Variants in PTPRQ observed in about 807,000 individuals in gnomAD.
PTPRQ encodes protein tyrosine phosphatase receptor type Q, also known as phosphatidylinositol phosphatase PTPRQ.
Under a neutral mutation model 246.0 loss-of-function variants are expected in PTPRQ, and 199 were observed. That is an observed-to-expected ratio of 0.81 (90% CI 0.72 to 0.91). PTPRQ has a LOEUF of 0.91. Ranked by LOEUF, PTPRQ falls within the 40% of genes least tolerant of loss-of-function variation. The pLI, the probability that PTPRQ is intolerant of heterozygous loss-of-function variation, is 0.00. For missense variants in PTPRQ, 2,624 were observed against 2,528.4 expected (o/e 1.04, Z -0.81); for synonymous variants, 869 against 853.2 (o/e 1.02, Z -0.32).
chr12:80,447,615 T>C (rs1892592667), intron 3 of PTPRQ, among the ~76,000 whole-genome samples: 2 of 151,796 alleles, frequency 1.3e-5, no homozygotes, highest in African/African-American at 4.9e-5. Context: ...TTCTCTTGGA[T>C]ATGGCCAGCC....
At chr12:80,631,060 C>A (rs1302762172) in intron 33 of PTPRQ, among the ~76,000 whole-genome samples, 1 of 152,068 alleles carries the variant, frequency 6.6e-6, no homozygotes, top group Non-Finnish European at 1.5e-5. Context: ...ATTTATGCAG[C>A]AAAATTATCT....
chr12:80,501,495 A>G (rs933016929), intron 14 of PTPRQ, among the ~76,000 whole-genome samples: 6 of 152,072 alleles, frequency 3.9e-5, no homozygotes, highest in Non-Finnish European at 7.4e-5. Flanking sequence ...AGGCAGTTAG[A>G]TAAATAAGTT....
At chr12:80,576,952 G>A (rs75364110) in intron 25 of PTPRQ, among the ~76,000 whole-genome samples, 36 of 152,110 alleles carry the variant, frequency 2.4e-4, no homozygotes, top group Non-Finnish European at 3.1e-4. Flanking sequence ...TAATTTCTTC[G>A]TCACTCTCAA....
intron 29 of PTPRQ, among the ~76,000 whole-genome samples, chr12:80,614,242 G>A (rs79239464): frequency 0.014 from 2,156 of 150,854 alleles, 58 homozygotes; most frequent in African/African-American, 0.049. Flanking sequence ...AAATTCTCAT[G>A]CATTTTAACC....
intron 14 of PTPRQ, among the ~76,000 whole-genome samples, chr12:80,500,778 C>T (rs1220515190): frequency 6.6e-6 from 1 of 151,916 alleles, no homozygotes; most frequent in Non-Finnish European, 1.5e-5. Context: ...TAGCAGTAAA[C>T]AAGACACAAT....
chr12:80,509,979 A>G (rs1229383380), intron 16 of PTPRQ, among the ~76,000 whole-genome samples: 1 of 151,882 alleles, frequency 6.6e-6, no homozygotes, highest in African/African-American at 2.4e-5. Context: ...CTTTTACTGT[A>G]TATTTATTCA....
intron 23 of PTPRQ, among the ~76,000 whole-genome samples, chr12:80,545,161 C>T (rs1260090564): frequency 1.3e-5 from 2 of 151,982 alleles, no homozygotes. Context: ...AATTTTTTCT[C>T]ATTCAGAAAT....
intron 25 of PTPRQ, among the ~76,000 whole-genome samples, chr12:80,558,239 C>G (rs1896719676): frequency 6.6e-6 from 1 of 150,602 alleles, no homozygotes. Flanking sequence ...GCGATCTCGA[C>G]TCACTGCAAC....
At chr12:80,651,513 A>G (rs532325848) in intron 37 of PTPRQ, among the ~76,000 whole-genome samples, 41 of 152,158 alleles carry the variant, frequency 2.7e-4, no homozygotes, top group Non-Finnish European at 5.7e-4. Context: ...CTGTGGTCCC[A>G]CTGAAAAGAG....
At chr12:80,495,464 A>T in intron 12 of PTPRQ, 93 bp downstream of exon 12, 1 of 1,395,584 alleles carries the variant, frequency 7.2e-7, no homozygotes, top group Non-Finnish European at 9.4e-7. Flanking sequence ...CTTATATACT[A>T]CAGAACACAT....
At chr12:80,539,698 CA>C in intron 19 of PTPRQ, 77 bp from the exon 20 acceptor site, 1 of 1,135,250 alleles carries the variant, frequency 8.8e-7, no homozygotes, top group Non-Finnish European at 1.2e-6. Context: ...AAAATCGATC[CA>C]TTGATAACAA....
chr12:80,574,513 G>A (rs2120968877), intron 25 of PTPRQ, among the ~76,000 whole-genome samples: 1 of 151,812 alleles, frequency 6.6e-6, no homozygotes, highest in East Asian at 1.9e-4. Context: ...GCCTTCTACT[G>A]GGTTAACTAT....
At chr12:80,649,148 C>A (rs925829549) in intron 36 of PTPRQ, among the ~76,000 whole-genome samples, 19 of 151,928 alleles carry the variant, frequency 1.3e-4, no homozygotes, top group African/African-American at 4.6e-4. Flanking sequence ...GGAAGTAATA[C>A]GGGGATATTT....
chr12:80,607,616 A>C (rs556497625), intron 27 of PTPRQ, among the ~76,000 whole-genome samples: 1 of 150,814 alleles, frequency 6.6e-6, no homozygotes, highest in East Asian at 1.9e-4. Context: ...ATTAATATGT[A>C]ATTATCAACA....
chr12:80,490,989 G>C (rs1358580283), intron 9 of PTPRQ, among the ~76,000 whole-genome samples: 2 of 151,918 alleles, frequency 1.3e-5, no homozygotes, highest in Non-Finnish European at 2.9e-5. Context: ...ATTCTGGGTT[G>C]TTACAAAGCC....
chr12:80,484,348 T>C (rs1483045259), intron 8 of PTPRQ, 85 bp from the exon 9 acceptor site: 1 of 1,416,856 alleles, frequency 7.1e-7, no homozygotes, highest in Non-Finnish European at 9.4e-7. Flanking sequence ...TCTTAAATTG[T>C]GAACTAAGAA....
chr12:80,572,784 C>A (rs1307178475), intron 25 of PTPRQ, among the ~76,000 whole-genome samples: 4 of 152,042 alleles, frequency 2.6e-5, no homozygotes, highest in Non-Finnish European at 4.4e-5. Flanking sequence ...CTCTTTTATT[C>A]TCTTGCTGTG....
At chr12:80,609,249 A>T (rs1214318812) in intron 27 of PTPRQ, among the ~76,000 whole-genome samples, 2 of 150,398 alleles carry the variant, frequency 1.3e-5, no homozygotes, top group Non-Finnish European at 3.0e-5. Flanking sequence ...GACAACATTT[A>T]CAATATAGTT....
intron 35 of PTPRQ, among the ~76,000 whole-genome samples, chr12:80,642,121 C>A (rs184404079): frequency 3.9e-5 from 6 of 152,258 alleles, no homozygotes; most frequent in Non-Finnish European, 7.3e-5. Flanking sequence ...TAGTCAGAAC[C>A]TTTATAGAAC....
Sources: gnomAD v4.1 joint callset for allele counts (sites outside exome capture counted in the v4.1 genomes callset) on GRCh38, gnomAD v4.1.1 for gene constraint, MANE v1.5 for transcripts, NCBI Gene and HGNC (gene_info 2026-07-23, HGNC 2026-07-21) for gene names.